KMT5A: variants seen among roughly 807,000 people sequenced by gnomAD.
The protein encoded by KMT5A is N-lysine methyltransferase KMT5A.
A neutral mutation model predicts 40.6 loss-of-function variants in KMT5A; 6 were observed. The observed-to-expected ratio is 0.15, with a 90% CI of 0.08 to 0.29. KMT5A has a LOEUF of 0.29. Among genes scored for constraint, KMT5A ranks in the 10% least tolerant of loss-of-function variants. The pLI is 1.00. For synonymous variants in KMT5A, 153 were observed against 178.8 expected (o/e 0.86, Z 1.15); for missense variants, 308 against 459.1 (o/e 0.67, Z 3.01).
At position 123,408,657 on chromosome 12, in the gene KMT5A, C is replaced by G. The variant is rs910003327; in HGVS notation, c.*954C>G. 13 of 143,846 alleles carry G rather than the reference C, an allele frequency of 9.0e-5. No individual in the cohort carries two copies. The highest frequency in any genetic ancestry group is 3.4e-4 in the African/African-American group (13 of 38,628). The allele number at this position is 143,846 out of a possible 1,614,324, so 8.9% of individuals were successfully genotyped here. On this transcript the variant is annotated 3_prime_UTR_variant, in exon 8 of 8. Coordinates refer to ENST00000402868, the MANE Select transcript of KMT5A (RefSeq NM_020382.7). ...TCAAAAATAAAGTTTTGTAGTGGGA[C>G]CAGAAATTACTTACCTGACATCCAC...
Position 123,395,133 on chromosome 12 carries a change from C to G in KMT5A, c.376C>G (p.Pro126Ala). 2 of 1,608,546 alleles carry G rather than the reference C, an allele frequency of 1.2e-6. No homozygotes were observed. Among genetic ancestry groups the G allele is most frequent in the Non-Finnish European group, 1.7e-6 (2 of 1,177,364 alleles). The change falls in exon 4 of 8, where the codon CCT (proline) becomes GCT (alanine). Residue 126 changes from proline to alanine, a missense_variant. By Grantham distance (27) the Pro-to-Ala change is conservative. Transcript: ENST00000402868. Reference sequence around the variant, plus strand: ...AGACGCCAGGAAAGGTCCCCTGGTACCTTTTCCAAACCAAAAATCTGAAGC... The same window carrying G: ...AGACGCCAGGAAAGGTCCCCTGGTAGCTTTTCCAAACCAAAAATCTGAAGC... Reference protein sequence around the residue: ...IKDARKGPLVPFPNQKSEAAE... With the variant: ...IKDARKGPLVAFPNQKSEAAE...
intron 2 of KMT5A, 80 bp downstream of exon 2, chr12:123,389,634 C>G (rs1412161875): frequency 5.2e-6 from 5 of 964,166 alleles, no homozygotes; most frequent in Middle Eastern, 9.7e-4. Flanking sequence ...CCCGGGTACC[C>G]GCCCGGGGCG....
At chr12:123,393,031 C>T (rs1877427064) in intron 3 of KMT5A, among the ~76,000 whole-genome samples, 1 of 152,096 alleles carries the variant, frequency 6.6e-6, no homozygotes, top group African/African-American at 2.4e-5. Flanking sequence ...TGCCCGCCAC[C>T]ACGCTCGGCT....
chr12:123,391,940 A>G (rs1260215973), intron 3 of KMT5A, among the ~76,000 whole-genome samples: 1 of 152,136 alleles, frequency 6.6e-6, no homozygotes, highest in African/African-American at 2.4e-5. Flanking sequence ...ACAGGGCAAT[A>G]TTGTTTTATT....
Position 123,390,660 on chromosome 12 carries a change from T to G in KMT5A, c.163T>G (p.Tyr55Asp), listed in dbSNP as rs749187146. Reference protein sequence around the residue: ...ENVFTGQSKIYSYMSPNKCSG... With the variant: ...ENVFTGQSKIDSYMSPNKCSG... ...CGTATTTACCGGGCAGTCAAAGATC[T>G]ATTCCTACATGAGCCCGAACAAATG... Residue 55 changes from tyrosine (Y) to aspartate (D), a missense_variant, in exon 3 of 8, where the codon TAT becomes GAT. Around this residue, in one of 4 missense-constraint regions of KMT5A, gnomAD observed 92 missense variants for 78.3 expected, o/e 1.18. Coordinates refer to ENST00000402868, the MANE Select transcript of KMT5A (RefSeq NM_020382.7). The G allele has an allele frequency of 1.2e-6, 2 of 1,613,854 alleles. No individual in the cohort carries two copies. The highest frequency in any genetic ancestry group is 4.5e-5 in the East Asian group (2 of 44,908).
rs903338246 is a variant in KMT5A at position 123,408,083 on chromosome 12, C to T, written c.*380C>T. ...TCTCCAGTGGAAGAGCCGGGACCTTCCCCCTGCACCCCCGACATCCAGGGA... is the reference window on the plus strand; with the variant it reads ...TCTCCAGTGGAAGAGCCGGGACCTTTCCCCTGCACCCCCGACATCCAGGGA... On this transcript the variant is annotated 3_prime_UTR_variant, in exon 8 of 8. Transcript: ENST00000402868. The T allele has an allele frequency of 4.7e-6, 1 of 210,634 alleles. No individual in the cohort carries two copies. The highest frequency in any genetic ancestry group is 5.5e-5 in the Admixed American group (1 of 18,246). The allele number at this position is 210,634 out of a possible 1,614,324, so 13.0% of individuals were successfully genotyped here.
intron 5 of KMT5A, among the ~76,000 whole-genome samples, chr12:123,399,306 T>C (rs28587386): frequency 0.95 from 145,142 of 152,352 alleles, 69,270 homozygotes; most frequent in Non-Finnish European, 0.96. Flanking sequence ...CTAGGCCCAT[T>C]TGTGGGTTCC....
rs982707082 is a variant in KMT5A, at chr12:123,389,891, C to G, written c.132+337C>G. ...AATGGTCCCCGAGGCGGCGAGGGCC[C>G]GGCGTTGCTTCTGGGGACGCCCTCC... is the stretch of plus-strand genomic sequence containing the variant. On this transcript the variant is annotated intron_variant, in intron 2 of 7. Transcript: ENST00000402868. 7.9e-5 allele frequency among the ~76,000 whole-genome samples: 12 copies of G among 152,214 alleles called. No individual in the cohort carries two copies. In the East Asian group the frequency reaches 1.6e-3, roughly 20 times the overall value.
At chr12:123,388,693 G>A (rs951392083) in intron 1 of KMT5A, 2 of 149,502 alleles carry the variant, frequency 1.3e-5, no homozygotes, top group African/African-American at 4.9e-5. Flanking sequence ...GATTTCGTCT[G>A]GCACAGACCG....
intron 5 of KMT5A, among the ~76,000 whole-genome samples, chr12:123,403,114 A>G (rs1249693136): frequency 6.6e-6 from 1 of 152,192 alleles, no homozygotes; most frequent in Non-Finnish European, 1.5e-5. Context: ...CCTATTTGCC[A>G]GGCTGGTCTC....
chr12:123,394,988 G>A (rs192211798), intron 3 of KMT5A, 59 bp from the exon 4 acceptor site: 53 of 1,420,180 alleles, frequency 3.7e-5, no homozygotes, highest in East Asian at 2.0e-4. Context: ...GCAGCTGGTC[G>A]TCTGGAAATT....
At chr12:123,400,406 G>A (rs982973560) in intron 5 of KMT5A, among the ~76,000 whole-genome samples, 8 of 148,730 alleles carry the variant, frequency 5.4e-5, no homozygotes, top group South Asian at 4.2e-4. Context: ...TGTAGCCCGC[G>A]CTGGAGTGCA....
chr12:123,394,980 A>G, intron 3 of KMT5A, 67 bp from the exon 4 acceptor site: 1 of 1,376,096 alleles, frequency 7.3e-7, no homozygotes, highest in East Asian at 2.5e-5. Context: ...CTTAGAATGC[A>G]GCTGGTCGTC....
intron 4 of KMT5A, among the ~76,000 whole-genome samples, chr12:123,395,753 CA>C (rs1416246338): frequency 1.3e-5 from 2 of 151,976 alleles, no homozygotes; most frequent in Non-Finnish European, 2.9e-5. Flanking sequence ...TTATTAGAGA[CA>C]GGGTTTCACC....
At chr12:123,397,556 C>T (rs1303922910) in intron 5 of KMT5A, among the ~76,000 whole-genome samples, 1 of 152,094 alleles carries the variant, frequency 6.6e-6, no homozygotes, top group African/African-American at 2.4e-5. Context: ...CCATTTTCTT[C>T]CCCACAGAGA....
chr12:123,401,330 A>G (rs1418398937), intron 5 of KMT5A, among the ~76,000 whole-genome samples: 2 of 149,112 alleles, frequency 1.3e-5, no homozygotes, highest in Admixed American at 1.3e-4. Flanking sequence ...TTGTATTTTT[A>G]GTAGAGATGG....
chr12:123,399,494 C>T (rs1267399205), intron 5 of KMT5A, among the ~76,000 whole-genome samples: 1 of 152,224 alleles, frequency 6.6e-6, no homozygotes, highest in Non-Finnish European at 1.5e-5. Context: ...CATTCCACTA[C>T]CCCGGTCTTT....
chr12:123,390,940 C>A (rs1383763049), intron 3 of KMT5A, 154 bp downstream of exon 3: 1 of 896,240 alleles, frequency 1.1e-6, no homozygotes, highest in Non-Finnish European at 1.7e-6. Context: ...GAAAGAATGG[C>A]TTGTCCCAGG....
intron 5 of KMT5A, among the ~76,000 whole-genome samples, chr12:123,398,281 CA>C (rs796830823): frequency 2.3e-3 from 305 of 134,336 alleles, no homozygotes; most frequent in African/African-American, 2.3e-3. Context: ...GACTCCGTCT[CA>C]AAAAAAAAAA....
Sources: gnomAD v4.1 joint callset for allele counts (sites outside exome capture counted in the v4.1 genomes callset) on GRCh38, gnomAD v4.1.1 for gene constraint, gnomAD v4.1.1 regional missense constraint, MANE v1.5 for transcripts, NCBI Gene and HGNC (gene_info 2026-07-23, HGNC 2026-07-21) for gene names.